The following FSHR variants were observed in gnomAD, a reference collection of about 807,000 sequenced individuals.
The protein encoded by FSHR is follicle stimulating hormone receptor.
Under a neutral mutation model 52.1 loss-of-function variants are expected in FSHR, and 46 were observed. That is an observed-to-expected ratio of 0.88 (90% CI 0.70 to 1.13). FSHR has a LOEUF of 1.13. Ranked by LOEUF, FSHR falls within the 50% of genes most tolerant of loss-of-function variation. The pLI, the probability that FSHR is intolerant of heterozygous loss-of-function variation, is 0.00. For synonymous variants in FSHR, 399 were observed against 309.6 expected (o/e 1.29, Z -3.03); for missense variants, 964 against 834.6 (o/e 1.16, Z -1.91).
intron 2 of FSHR, among the ~76,000 whole-genome samples, chr2:49,036,965 A>G (rs1668292872): frequency 6.6e-6 from 1 of 152,234 alleles, no homozygotes; most frequent in South Asian, 2.1e-4. Flanking sequence ...CATTGAAGCA[A>G]AAAACCAAGG....
intron 9 of FSHR, among the ~76,000 whole-genome samples, chr2:48,964,891 A>T (rs1418243085): frequency 6.6e-6 from 1 of 152,080 alleles, no homozygotes; most frequent in East Asian, 1.9e-4. Flanking sequence ...CCAGAGTAGT[A>T]TATCAATACT....
intron 1 of FSHR, among the ~76,000 whole-genome samples, chr2:49,113,033 A>G (rs1671477810): frequency 6.6e-6 from 1 of 152,178 alleles, no homozygotes; most frequent in Admixed American, 6.5e-5. Context: ...GGGCCACTTA[A>G]TAGACCATGT....
chr2:49,141,183 A>G (rs1672671865), intron 1 of FSHR, among the ~76,000 whole-genome samples: 1 of 152,016 alleles, frequency 6.6e-6, no homozygotes, highest in African/African-American at 2.4e-5. Context: ...TTTATTCACA[A>G]CCCCACTGAT....
At chr2:49,007,729 C>T (rs1222417657) in intron 4 of FSHR, among the ~76,000 whole-genome samples, 1 of 152,082 alleles carries the variant, frequency 6.6e-6, no homozygotes, top group East Asian at 1.9e-4. Flanking sequence ...GGAAAAGAGA[C>T]CCCATCACTA....
chr2:49,082,363 G>T (rs1670206073), intron 1 of FSHR, among the ~76,000 whole-genome samples: 1 of 152,024 alleles, frequency 6.6e-6, no homozygotes, highest in African/African-American at 2.4e-5. Flanking sequence ...CATCATCAAA[G>T]ACCAAAAGTA....
rs765521082 is a variant in FSHR at position 49,068,206 on chromosome 2, G to T, written c.224+13C>A. 5 of 1,604,430 alleles carry T rather than the reference G, an allele frequency of 3.1e-6. No individual in the cohort carries two copies. The highest frequency in any genetic ancestry group is 4.3e-6 in the Non-Finnish European group (5 of 1,173,300). The stretch of plus-strand genomic sequence containing the variant: ...CCTTGAGGCATTCACTCACAGCAGT[G>T]CTAGGTACATACATTTTCTCCAGGT... On this transcript the variant is annotated intron_variant, in intron 2 of 9. Transcript: ENST00000406846.
chr2:49,050,441 C>T (rs1044439479), intron 2 of FSHR, among the ~76,000 whole-genome samples: 1 of 152,154 alleles, frequency 6.6e-6, no homozygotes, highest in African/African-American at 2.4e-5. Flanking sequence ...GCACAGACAT[C>T]CTCTCCTCTG....
At chr2:48,998,304 C>A (rs906096659) in intron 4 of FSHR, among the ~76,000 whole-genome samples, 3 of 151,904 alleles carry the variant, frequency 2.0e-5, no homozygotes, top group African/African-American at 7.3e-5. Flanking sequence ...AAAAAAAAAT[C>A]TGTGCTATGG....
At chr2:49,089,909 G>A (rs60130118) in intron 1 of FSHR, among the ~76,000 whole-genome samples, 1,796 of 152,232 alleles carry the variant, frequency 0.012, 39 homozygotes, top group African/African-American at 0.041. Flanking sequence ...TGTGCAAAGC[G>A]TGTACATTCT....
intron 4 of FSHR, among the ~76,000 whole-genome samples, chr2:49,008,574 C>T (rs1160022580): frequency 3.3e-5 from 5 of 150,120 alleles, no homozygotes; most frequent in African/African-American, 9.8e-5. Context: ...ATGGTATTTC[C>T]AGTTCTAGAT....
chr2:49,095,778 G>T (rs762925846), intron 1 of FSHR, among the ~76,000 whole-genome samples: 1 of 152,086 alleles, frequency 6.6e-6, no homozygotes, highest in Non-Finnish European at 1.5e-5. Context: ...ACAACAAAGG[G>T]ACAACCCAGT....
intron 1 of FSHR, among the ~76,000 whole-genome samples, chr2:49,119,527 T>G (rs1671726936): frequency 6.6e-6 from 1 of 152,206 alleles, no homozygotes; most frequent in South Asian, 2.1e-4. Flanking sequence ...ATTTTTTTCT[T>G]TCCTTTTTTG....
At chr2:49,116,164 A>G (rs1292848725) in intron 1 of FSHR, among the ~76,000 whole-genome samples, 1 of 152,160 alleles carries the variant, frequency 6.6e-6, no homozygotes, top group Non-Finnish European at 1.5e-5. Flanking sequence ...CTGATATGTG[A>G]GCAGGAGTCA....
At chr2:48,974,920 C>G (rs1442204020) in intron 8 of FSHR, among the ~76,000 whole-genome samples, 1 of 152,064 alleles carries the variant, frequency 6.6e-6, no homozygotes, top group Non-Finnish European at 1.5e-5. Context: ...GCCTAAAAAT[C>G]AGATGTTTGA....
chr2:49,034,316 C>G (rs115939381), intron 2 of FSHR, among the ~76,000 whole-genome samples: 3 of 152,146 alleles, frequency 2.0e-5, no homozygotes, highest in African/African-American at 7.2e-5. Flanking sequence ...TATTGCCTGA[C>G]CCCCCTTCCG....
At chr2:49,045,574 A>G (rs1338085440) in intron 2 of FSHR, among the ~76,000 whole-genome samples, 2 of 152,176 alleles carry the variant, frequency 1.3e-5, no homozygotes, top group African/African-American at 4.8e-5. Flanking sequence ...AACAAGAAAA[A>G]AGAAAGCCAA....
intron 1 of FSHR, among the ~76,000 whole-genome samples, chr2:49,116,337 T>C (rs1008701901): frequency 1.3e-5 from 2 of 152,178 alleles, no homozygotes; most frequent in African/African-American, 4.8e-5. Context: ...ACGGCTGACC[T>C]AGGAGTTTGA....
intron 1 of FSHR, among the ~76,000 whole-genome samples, chr2:49,116,974 G>A (rs1425453425): frequency 6.6e-6 from 1 of 152,168 alleles, no homozygotes; most frequent in African/African-American, 2.4e-5. Flanking sequence ...AGCTCTAAGA[G>A]GAAAAACCAA....
intron 5 of FSHR, 52 bp downstream of exon 5, chr2:48,990,514 G>A: frequency 8.5e-7 from 1 of 1,183,350 alleles, no homozygotes; most frequent in Non-Finnish European, 1.3e-6. Flanking sequence ...TAGCCGTTGG[G>A]CAAGACAGAT....
Sources: gnomAD v4.1 joint callset for allele counts (sites outside exome capture counted in the v4.1 genomes callset) on GRCh38, gnomAD v4.1.1 for gene constraint, MANE v1.5 for transcripts, NCBI Gene and HGNC (gene_info 2026-07-23, HGNC 2026-07-21) for gene names.